The following BOLL variants were observed in gnomAD, a reference collection of about 807,000 sequenced individuals.
BOLL encodes the protein protein boule-like.
A neutral mutation model predicts 44.4 loss-of-function variants in BOLL; 23 were observed. The observed-to-expected ratio is 0.52, with a 90% confidence interval of 0.37 to 0.73. The LOEUF is 0.73. Ranked by LOEUF, BOLL falls within the 30% of genes least tolerant of loss-of-function variation. The pLI is 0.00. For missense variants in BOLL, 287 were observed against 338.3 expected (o/e 0.85, Z 1.19); for synonymous variants, 97 against 110.8 (o/e 0.88, Z 0.78).
intron 10 of BOLL, among the ~76,000 whole-genome samples, chr2:197,740,371 G>A (rs1488288750): frequency 2.0e-5 from 3 of 152,168 alleles, no homozygotes; most frequent in Non-Finnish European, 1.5e-5. Context: ...CAGTTGATCA[G>A]TCTGTGGCTC....
In BOLL at chr2:197,728,526, T is replaced by G. The variant is rs1440993954; in HGVS notation, c.*29A>C. On this transcript the variant is annotated 3_prime_UTR_variant, in exon 11 of 11. Transcript: ENST00000392296. Reference sequence around the variant, plus strand: ...CAAGGATCATTGGACAAGAAATCAGTTGAGCTGGAATAGAGCTGCCCAATT... The same window carrying G: ...CAAGGATCATTGGACAAGAAATCAGGTGAGCTGGAATAGAGCTGCCCAATT... 1 of 1,614,088 alleles carries G rather than the reference T, an allele frequency of 6.2e-7. No homozygotes were observed. The highest frequency in any genetic ancestry group is 1.1e-5 in the South Asian group (1 of 91,080).
At chr2:197,781,571 G>C (rs1239015275) in intron 2 of BOLL, 151 bp downstream of exon 2, 26 of 796,166 alleles carry the variant, frequency 3.3e-5, no homozygotes, top group South Asian at 9.9e-5. Flanking sequence ...TAACCTACAT[G>C]CTGGTTGAAA....
intron 5 of BOLL, 69 bp downstream of exon 5, chr2:197,775,596 A>T (rs566375433): frequency 2.0e-6 from 2 of 1,011,886 alleles, no homozygotes; most frequent in East Asian, 5.5e-5. Context: ...AAAGTTCTAT[A>T]AAAAGTCTTA....
At chr2:197,764,907 G>A (rs937799824) in intron 7 of BOLL, among the ~76,000 whole-genome samples, 1 of 151,904 alleles carries the variant, frequency 6.6e-6, no homozygotes. Context: ...ACTACAGTAA[G>A]CTGGTTTACA....
rs537182692 is a variant in BOLL at position 197,728,431 on chromosome 2, G to C, written c.*124C>G. On this transcript the variant is annotated 3_prime_UTR_variant, in exon 11 of 11. Coordinates refer to ENST00000392296, the MANE Select transcript of BOLL (RefSeq NM_033030.6). Reference sequence around the variant, plus strand: ...TAGTGGAATAACTGAGTATGGTGAGGTATTAACTAACACTAAGTTTCACAA... The same window carrying C: ...TAGTGGAATAACTGAGTATGGTGAGCTATTAACTAACACTAAGTTTCACAA... 1 of 1,427,972 alleles carries C rather than the reference G, an allele frequency of 7.0e-7. No individual in the cohort carries two copies. The highest frequency in any genetic ancestry group is 1.2e-5 in the South Asian group (1 of 84,986). The allele number at this position is 1,427,972 out of a possible 1,614,324, so 88.5% of individuals were successfully genotyped here.
chr2:197,750,767 G>A (rs1688206628), intron 9 of BOLL, among the ~76,000 whole-genome samples: 1 of 152,038 alleles, frequency 6.6e-6, no homozygotes, highest in South Asian at 2.1e-4. Flanking sequence ...ATATAGTCAG[G>A]ACTTAAACTC....
chr2:197,767,213 A>G (rs1194303713), intron 6 of BOLL, among the ~76,000 whole-genome samples: 1 of 152,050 alleles, frequency 6.6e-6, no homozygotes, highest in African/African-American at 2.4e-5. Flanking sequence ...AGTAAGCCCC[A>G]AAACAGATTA....
chr2:197,734,020 C>A (rs1186351572), intron 10 of BOLL, among the ~76,000 whole-genome samples: 16 of 151,524 alleles, frequency 1.1e-4, no homozygotes, highest in African/African-American at 2.9e-4. Flanking sequence ...TCAGAGTGAA[C>A]AGGCAACCTA....
chr2:197,761,585 CAGGA>C (rs1688761065), intron 7 of BOLL, among the ~76,000 whole-genome samples: 1 of 152,088 alleles, frequency 6.6e-6, no homozygotes, highest in Non-Finnish European at 1.5e-5. Context: ...AATAAAATGA[CAGGA>C]TGTCCTCACC....
At chr2:197,741,519 C>G (rs1361824268) in intron 10 of BOLL, among the ~76,000 whole-genome samples, 1 of 152,312 alleles carries the variant, frequency 6.6e-6, no homozygotes. Context: ...ATATCTACAA[C>G]TATCTGATCT....
intron 7 of BOLL, among the ~76,000 whole-genome samples, chr2:197,764,070 C>A (rs1688881696): frequency 6.6e-6 from 1 of 152,130 alleles, no homozygotes; most frequent in African/African-American, 2.4e-5. Context: ...GAAAAGGGAA[C>A]TCTTATACAC....
Position 197,781,812 on chromosome 2 carries a change from C to T in BOLL, c.39G>A (p.Val13=), listed in dbSNP as rs767750867. ...TDSLSPSPNP[V]SPVPLNNPTS... ...TTGGGTTATTCAAAGGCACAGGTGACACAGGATTAGGGGATGGAGATAATG... is the reference window on the plus strand; with the variant it reads ...TTGGGTTATTCAAAGGCACAGGTGATACAGGATTAGGGGATGGAGATAATG... The change falls in exon 2 of 11, where the codon GTG becomes GTA. Residue 13 remains valine, a synonymous_variant. Transcript: ENST00000392296. 1 of 1,607,904 alleles carries T rather than the reference C, an allele frequency of 6.2e-7. No individual in the cohort carries two copies. The highest frequency in any genetic ancestry group is 8.5e-7 in the Non-Finnish European group (1 of 1,175,768).
chr2:197,763,680 A>G (rs1447859236), intron 7 of BOLL, among the ~76,000 whole-genome samples: 1 of 152,194 alleles, frequency 6.6e-6, no homozygotes, highest in African/African-American at 2.4e-5. Flanking sequence ...AATTCATCCC[A>G]TTAGTTTGAT....
chr2:197,732,161 A>G (rs1687218528), intron 10 of BOLL, among the ~76,000 whole-genome samples: 1 of 152,060 alleles, frequency 6.6e-6, no homozygotes, highest in Admixed American at 6.5e-5. Context: ...ACAAACTACC[A>G]TCAGAGAATA....
chr2:197,781,846 T>C lies in BOLL; in HGVS notation c.5A>G (p.Gln2Arg), dbSNP rs1305759786. The C allele has an allele frequency of 7.5e-6, 12 of 1,601,056 alleles. No homozygotes were observed. Among genetic ancestry groups the C allele is most frequent in the Non-Finnish European group, 1.0e-5 (12 of 1,171,352 alleles). Residue 2 changes from glutamine to arginine, a missense_variant, in exon 2 of 11, where the codon CAA becomes CGA. Physicochemically the swap from Gln to Arg is conservative, Grantham distance 43 (BLOSUM62 1). Coordinates refer to ENST00000392296, the MANE Select transcript of BOLL (RefSeq NM_033030.6). M[Q>R]TDSLSPSPNP... Reference sequence around the variant, plus strand: ...AGGGGATGGAGATAATGAATCTGTTTGCATCTGGTTTGATGTTTGCTGTAA... The same window carrying C: ...AGGGGATGGAGATAATGAATCTGTTCGCATCTGGTTTGATGTTTGCTGTAA...
chr2:197,740,790 A>T (rs700645), intron 10 of BOLL, among the ~76,000 whole-genome samples: 2 of 151,966 alleles, frequency 1.3e-5, no homozygotes, highest in African/African-American at 4.8e-5. Context: ...TCAACTTGGG[A>T]TGAGGAAAAG....
At chr2:197,744,088 C>T (rs768832288) in intron 9 of BOLL, among the ~76,000 whole-genome samples, 39 of 152,328 alleles carry the variant, frequency 2.6e-4, no homozygotes, top group Non-Finnish European at 3.5e-4. Flanking sequence ...GGATTACAGG[C>T]GTGAGCCATT....
At chr2:197,737,248 A>G (rs1312715171) in intron 10 of BOLL, among the ~76,000 whole-genome samples, 2 of 151,830 alleles carry the variant, frequency 1.3e-5, no homozygotes, top group African/African-American at 4.8e-5. Flanking sequence ...GCCATATTCA[A>G]TTTTTTTTCA....
At chr2:197,743,327 TA>T (rs571303349) in intron 9 of BOLL, among the ~76,000 whole-genome samples, 168 bp from the exon 10 acceptor site, 129 of 152,364 alleles carry the variant, frequency 8.5e-4, no homozygotes, top group African/African-American at 3.0e-3. Context: ...TATAATGAAT[TA>T]ACTTATGAAT....
Sources: gnomAD v4.1 joint callset for allele counts (sites outside exome capture counted in the v4.1 genomes callset) on GRCh38, gnomAD v4.1.1 for gene constraint, MANE v1.5 for transcripts, NCBI Gene and HGNC (gene_info 2026-07-23, HGNC 2026-07-21) for gene names.